Variants in COPA observed in about 807,000 individuals in gnomAD.
The protein encoded by COPA is coatomer subunit alpha.
COPA carries 10 observed loss-of-function variants against 158.7 expected under a neutral mutation model. The ratio of observed to expected loss-of-function variants is 0.06; its 90% CI spans 0.04 to 0.11. The LOEUF is 0.11. COPA is among the 10% of genes least tolerant of loss of function. The pLI, the probability that COPA is intolerant of heterozygous loss-of-function variation, is 1.00. For synonymous variants in COPA, 462 were observed against 542.8 expected, an observed-to-expected ratio of 0.85 and a Z score of 2.07; for missense variants, 1,065 against 1,536.7, an observed-to-expected ratio of 0.69 and a Z score of 5.13.
At chr1:160,340,520 G>A (rs1299875252) in intron 1 of COPA, among the ~76,000 whole-genome samples, 1 of 152,144 alleles carries the variant, frequency 6.6e-6, no homozygotes, top group East Asian at 1.9e-4. Flanking sequence ...ATACAATTAA[G>A]TTACTTGGAA....
At chr1:160,331,286 G>A (rs1647499224) in intron 6 of COPA, among the ~76,000 whole-genome samples, 1 of 152,122 alleles carries the variant, frequency 6.6e-6, no homozygotes, top group Admixed American at 6.6e-5. Flanking sequence ...TATGTAAACT[G>A]TAAAAGGAGG....
intron 3 of COPA, 135 bp from the exon 4 acceptor site, chr1:160,335,457 T>A: frequency 1.7e-6 from 1 of 596,216 alleles, no homozygotes. Context: ...ATTTTGGCAT[T>A]TCTAAATAGG....
At chr1:160,296,936 T>G (rs1658437374) in intron 21 of COPA, among the ~76,000 whole-genome samples, 1 of 152,182 alleles carries the variant, frequency 6.6e-6, no homozygotes, top group African/African-American at 2.4e-5. Context: ...TCCTAATGTA[T>G]CTTAAATGCT....
chr1:160,325,124 T>C (rs937921337), intron 7 of COPA, among the ~76,000 whole-genome samples: 3 of 152,270 alleles, frequency 2.0e-5, no homozygotes, highest in Admixed American at 1.3e-4. Flanking sequence ...TGGGTAGCTA[T>C]GAAGATTAGA....
chr1:160,314,890 G>T lies in COPA; in HGVS notation c.707-765C>A, dbSNP rs148069237. ...GGTACTCAATAAATATTTGTCAAAT[G>T]AATGGATGAATTCTATGTTCATACT... On this transcript the variant is annotated intron_variant, in intron 8 of 32. Transcript: ENST00000241704. Among the ~76,000 whole-genome samples, 657 of 152,158 alleles carry T rather than the reference G, an allele frequency of 4.3e-3. 1 individual carries two copies. The highest frequency in any genetic ancestry group is 6.8e-3 in the Middle Eastern group (2 of 294).
intron 32 of COPA, 32 bp downstream of exon 32, chr1:160,290,460 T>A (rs1286605481): frequency 1.9e-6 from 3 of 1,602,924 alleles, no homozygotes; most frequent in East Asian, 4.5e-5. Context: ...TCGCTCAATA[T>A]CCTAGATATA....
chr1:160,313,059 G>T, intron 10 of COPA, 26 bp downstream of exon 10: 1 of 1,601,318 alleles, frequency 6.2e-7, no homozygotes, highest in Non-Finnish European at 8.5e-7. Flanking sequence ...ATTAAGCAAA[G>T]AAAAAAGAGA....
rs772956367 is a variant in COPA at position 160,323,471 on chromosome 1, A to G, written c.666T>C (p.Ser222=). 2 of 1,610,576 alleles carry G rather than the reference A, an allele frequency of 1.2e-6. No homozygotes were observed. The highest frequency in any genetic ancestry group is 1.7e-6 in the Non-Finnish European group (2 of 1,177,998). The change falls in exon 8 of 33, where the codon TCT becomes TCC. Residue 222 remains serine (S), a synonymous_variant. Coordinates refer to ENST00000241704, the MANE Select transcript of COPA (RefSeq NM_004371.4). ...TCTTCACTTGACGATCATCTGCCCC[A>G]GATACAATAAGGGGCATAGTGGGGT... is the stretch of plus-strand genomic sequence containing the variant. ...AFHPTMPLIV[S]GADDRQVKIW... is the part of the protein sequence containing the mutation.
intron 21 of COPA, among the ~76,000 whole-genome samples, chr1:160,296,684 T>A (rs1358726891): frequency 1.3e-5 from 2 of 152,246 alleles, no homozygotes; most frequent in Non-Finnish European, 2.9e-5. Flanking sequence ...GGTTTTAAAC[T>A]ACTAAATTTG....
chr1:160,321,276 G>T (rs75674679), intron 8 of COPA, among the ~76,000 whole-genome samples: 1 of 152,042 alleles, frequency 6.6e-6, no homozygotes, highest in Non-Finnish European at 1.5e-5. Flanking sequence ...TTTTCTCTAC[G>T]GACCAGAAGG....
chr1:160,307,543 C>A (rs1374393102), intron 13 of COPA, among the ~76,000 whole-genome samples: 1 of 152,248 alleles, frequency 6.6e-6, no homozygotes, highest in African/African-American at 2.4e-5. Context: ...CAGCACACTC[C>A]ATCAAGCTAA....
rs747617932 is a variant in COPA, at chr1:160,297,301, T to C, written c.2263+42A>G. On this transcript the variant is annotated intron_variant, in intron 21 of 32. Coordinates refer to ENST00000241704, the MANE Select transcript of COPA (RefSeq NM_004371.4). ...TAACTCAACAAAAACAGAAAAATACTTCCTCAGACCCTGAAAAAGCTGGCA... is the reference window on the plus strand; with the variant it reads ...TAACTCAACAAAAACAGAAAAATACCTCCTCAGACCCTGAAAAAGCTGGCA... 7.7e-6 allele frequency: 12 copies of C among 1,558,266 alleles called. No individual in the cohort carries two copies. The East Asian group carries it at 2.5e-4, about 32-fold the overall frequency.
chr1:160,298,811 G>A, intron 19 of COPA, 34 bp downstream of exon 19: 2 of 1,612,798 alleles, frequency 1.2e-6, no homozygotes, highest in Non-Finnish European at 1.7e-6. Context: ...TCACCTCTAA[G>A]ACAATATGGG....
chr1:160,325,531 A>T lies in COPA; in HGVS notation c.606+12T>A, dbSNP rs1193133851. The T allele has an allele frequency of 6.2e-7, 1 of 1,607,924 alleles. No homozygotes were observed. The highest frequency in any genetic ancestry group is 1.7e-5 in the Admixed American group (1 of 59,958). On this transcript the variant is annotated intron_variant, in intron 7 of 32. Transcript: ENST00000241704. ...CAGCCCATATTCAGCCCCTGGCTAT[A>T]AAGATAAGTACCTCTAGTACATGCT...
rs545841721 is a variant in COPA at position 160,319,883 on chromosome 1, AG to A, written c.706+3547del. 1.9e-4 allele frequency among the ~76,000 whole-genome samples: 28 copies of A among 150,132 alleles called. No individual in the cohort carries two copies. In the South Asian group the frequency reaches 6.0e-3, roughly 32 times the overall value. ...ATGGGATATGACAAAAGCAGTACTA[AG>A]AATGAAGTTTATAACATAAACACCT... On this transcript the variant is annotated intron_variant, in intron 8 of 32. Transcript: ENST00000241704.
At position 160,290,297 on chromosome 1, in the gene COPA, A is replaced by G. The variant is rs1658182437; in HGVS notation, c.3616-81T>C. The stretch of plus-strand genomic sequence containing the variant: ...GAAAATGTATTCCCTATACCCCTCA[A>G]TGGGCACAGTAGACAGGTATTGGGG... On this transcript the variant is annotated intron_variant, in intron 32 of 32. Transcript: ENST00000241704. The G allele has an allele frequency of 3.3e-5, 49 of 1,503,806 alleles. 2 individuals carry two copies. In the South Asian group the frequency reaches 5.0e-4, roughly 15 times the overall value. The allele number at this position is 1,503,806 out of a possible 1,614,324, so 93.2% of individuals were successfully genotyped here.
chr1:160,298,946 T>C lies in COPA; in HGVS notation c.1876A>G (p.Ile626Val). Residue 626 changes from isoleucine (I) to valine (V), a missense_variant, in exon 19 of 33, where the codon ATT (isoleucine) becomes GTT (valine). Physicochemically the swap from Ile to Val is conservative, Grantham distance 29 (BLOSUM62 3). Coordinates refer to ENST00000241704, the MANE Select transcript of COPA (RefSeq NM_004371.4). The part of the protein sequence containing the change: ...RNAKLVGQSI[I>V]AYLQKKGYPE... ...TAGCCCTTCTTCTGGAGATAAGCAA[T>C]AATAGACTGGCCAACTAGTTTGGCA... is the stretch of plus-strand genomic sequence containing the variant. 1 of 1,613,860 alleles carries C rather than the reference T, an allele frequency of 6.2e-7. No individual in the cohort carries two copies. The highest frequency in any genetic ancestry group is 1.3e-5 in the African/African-American group (1 of 74,888).
rs775980693 is a variant in COPA, at chr1:160,292,121, C to G, written c.3038G>C (p.Cys1013Ser). 8.1e-6 allele frequency: 13 copies of G among 1,614,040 alleles called. No homozygotes were observed. The highest frequency in any genetic ancestry group is 1.1e-5 in the Non-Finnish European group (13 of 1,180,046). ...LNDLIQRLQL[C>S]YQLTTVGKFE... ...TTTGCCAACTGTGGTGAGCTGGTAG[C>G]ACAGCTGCAACCGTTGGATGAGGTC... Residue 1013 changes from cysteine (C) to serine (S), a missense_variant, in exon 29 of 33, where the codon TGC becomes TCC. Cys to Ser is a moderately radical substitution (Grantham distance 112). Around this residue, in one of 2 missense-constraint regions of COPA, gnomAD observed 980 missense variants for 1,357.8 expected, o/e 0.72. Transcript: ENST00000241704.
chr1:160,328,595 G>C (rs1348919147), intron 6 of COPA, among the ~76,000 whole-genome samples: 1 of 152,186 alleles, frequency 6.6e-6, no homozygotes, highest in Non-Finnish European at 1.5e-5. Context: ...AGAGAGGGAT[G>C]ATAACAGGAT....
Sources: allele counts gnomAD v4.1 joint callset (sites outside exome capture counted in the v4.1 genomes callset), GRCh38; gene constraint gnomAD v4.1.1; regional missense constraint gnomAD v4.1.1; transcripts MANE v1.5; gene names NCBI Gene and HGNC (gene_info 2026-07-23, HGNC 2026-07-21).